Variants in CEP57L1 observed in about 807,000 individuals in gnomAD.
The protein encoded by CEP57L1 is centrosomal protein CEP57L1.
CEP57L1 carries 37 observed loss-of-function variants against 61.0 expected under a neutral mutation model. That is an observed-to-expected ratio of 0.61 (90% CI 0.47 to 0.80). The LOEUF is 0.80. Among genes scored for constraint, CEP57L1 ranks in the 30% least tolerant of loss-of-function variants. The pLI is 0.00. For missense variants in CEP57L1, 422 were observed against 524.7 expected (o/e 0.80, Z 1.91); for synonymous variants, 137 against 162.3 (o/e 0.84, Z 1.19).
At position 109,169,345 on chromosome 6, in the gene CEP57L1, G is replaced by A. The variant is rs946092858; in HGVS notation, c.*6375G>A. The stretch of plus-strand genomic sequence containing the variant: ...TAATGTAGCCCTAAATGTTTTTTAG[G>A]GAAGAAAAAGTTGGCTTTTAATAAG... On this transcript the variant is annotated 3_prime_UTR_variant, in exon 11 of 11. Transcript: ENST00000517392. Among the ~76,000 whole-genome samples, 1 of 152,022 alleles carries A rather than the reference G, an allele frequency of 6.6e-6. No individual in the cohort carries two copies. Among genetic ancestry groups the A allele is most frequent in the African/African-American group, 2.4e-5 (1 of 41,406 alleles).
At chr6:109,148,803 T>G (rs1772261058) in intron 3 of CEP57L1, among the ~76,000 whole-genome samples, 1 of 152,230 alleles carries the variant, frequency 6.6e-6, no homozygotes, top group Non-Finnish European at 1.5e-5. Context: ...TTTTTAATGA[T>G]TGCCATTCTA....
rs1583688907 is a variant in CEP57L1 at position 109,163,063 on chromosome 6, T to G, written c.*93T>G. The G allele has an allele frequency of 1.3e-6, 1 of 786,292 alleles. No individual in the cohort carries two copies. Among genetic ancestry groups the G allele is most frequent in the Non-Finnish European group, 2.0e-6 (1 of 490,286 alleles). The allele number at this position is 786,292 out of a possible 1,614,324, so 48.7% of individuals were successfully genotyped here. A position where few individuals can be genotyped will look rare whatever the true frequency, so the allele number is the denominator to read the frequency against. ...AATTTAATATAACTTTGTGACATTT[T>G]GAATCATGTTTCTAGTTTCTATAAA... On this transcript the variant is annotated 3_prime_UTR_variant, in exon 11 of 11. Transcript: ENST00000517392.
At chr6:109,097,517 C>T (rs1781846415) in intron 1 of CEP57L1, among the ~76,000 whole-genome samples, 1 of 152,214 alleles carries the variant, frequency 6.6e-6, no homozygotes, top group African/African-American at 2.4e-5. Context: ...CATTGGTTCT[C>T]ATATTCCATT....
At position 109,169,121 on chromosome 6, in the gene CEP57L1, G is replaced by C. The variant is rs1774284934; in HGVS notation, c.*6151G>C. ...TGTGCCTGTAATCCCGGGTACTCGG[G>C]AGGCTAAGGCCAGAGGATTGCTTGA... On this transcript the variant is annotated 3_prime_UTR_variant, in exon 11 of 11. Coordinates refer to ENST00000517392, the MANE Select transcript of CEP57L1 (RefSeq NM_001271852.3). 1.3e-5 allele frequency among the ~76,000 whole-genome samples: 2 copies of C among 151,002 alleles called. No homozygotes were observed. The highest frequency in any genetic ancestry group is 4.9e-5 in the African/African-American group (2 of 41,200).
At chr6:109,111,770 A>G (rs1317057585) in intron 1 of CEP57L1, among the ~76,000 whole-genome samples, 3 of 152,150 alleles carry the variant, frequency 2.0e-5, no homozygotes, top group Non-Finnish European at 4.4e-5. Context: ...TCCTGCGTCT[A>G]TTGAGATAAT....
intron 1 of CEP57L1, among the ~76,000 whole-genome samples, chr6:109,119,496 G>C (rs67495179): frequency 0.034 from 5,169 of 152,172 alleles, 166 homozygotes; most frequent in African/African-American, 0.076. Flanking sequence ...TATTAAGTGA[G>C]ATTACAAATA....
At chr6:109,111,587 C>CCTT (rs1171144004) in intron 1 of CEP57L1, among the ~76,000 whole-genome samples, 1 of 152,172 alleles carries the variant, frequency 6.6e-6, no homozygotes, top group Non-Finnish European at 1.5e-5. Flanking sequence ...GAGAGGGCAT[C>CCTT]CTTGTCTTCT....
chr6:109,145,118 T>C (rs1048980859), intron 1 of CEP57L1, 101 bp from the exon 2 acceptor site: 1 of 664,272 alleles, frequency 1.5e-6, no homozygotes, highest in Admixed American at 2.7e-5. Flanking sequence ...AACTCCACAG[T>C]ATATGATTAT....
chr6:109,143,588 T>A (rs1332689564), intron 1 of CEP57L1, among the ~76,000 whole-genome samples: 8 of 152,172 alleles, frequency 5.3e-5, no homozygotes, highest in Non-Finnish European at 1.2e-4. Context: ...CACATTTAAT[T>A]TAAATAAACT....
At chr6:109,130,079 A>G (rs1480095153) in intron 1 of CEP57L1, among the ~76,000 whole-genome samples, 2 of 152,176 alleles carry the variant, frequency 1.3e-5, no homozygotes, top group East Asian at 3.9e-4. Flanking sequence ...CTTTCTGCAT[A>G]TGCTTTTGTT....
intron 3 of CEP57L1, among the ~76,000 whole-genome samples, chr6:109,147,330 A>G (rs1772077335): frequency 6.6e-6 from 1 of 152,154 alleles, no homozygotes; most frequent in South Asian, 2.1e-4. Flanking sequence ...AACACTAGTA[A>G]TTAAACAATG....
At chr6:109,148,224 C>G (rs999536607) in intron 3 of CEP57L1, among the ~76,000 whole-genome samples, 3 of 151,976 alleles carry the variant, frequency 2.0e-5, no homozygotes, top group African/African-American at 7.3e-5. Flanking sequence ...CCCATTAACT[C>G]GTCATTTAGC....
At chr6:109,101,397 A>G (rs1782378891) in intron 1 of CEP57L1, among the ~76,000 whole-genome samples, 1 of 152,212 alleles carries the variant, frequency 6.6e-6, no homozygotes, top group Non-Finnish European at 1.5e-5. Flanking sequence ...TCACTGAAAA[A>G]TAATCCATTG....
intron 1 of CEP57L1, among the ~76,000 whole-genome samples, chr6:109,115,442 G>C (rs1237631028): frequency 6.6e-6 from 1 of 151,884 alleles, no homozygotes; most frequent in Non-Finnish European, 1.5e-5. Flanking sequence ...CTCTGTTTGT[G>C]GATTTATACA....
chr6:109,152,812 A>G (rs900834717), intron 4 of CEP57L1, among the ~76,000 whole-genome samples: 4 of 152,056 alleles, frequency 2.6e-5, no homozygotes, highest in African/African-American at 7.2e-5. Flanking sequence ...GGTTTTATCA[A>G]TAATGGTTTT....
At chr6:109,104,538 C>T (rs762872041) in intron 1 of CEP57L1, among the ~76,000 whole-genome samples, 4 of 152,138 alleles carry the variant, frequency 2.6e-5, no homozygotes, top group Non-Finnish European at 5.9e-5. Flanking sequence ...ACATCCTTGA[C>T]AAAACTTAAT....
intron 1 of CEP57L1, among the ~76,000 whole-genome samples, chr6:109,096,634 A>G (rs1781738107): frequency 6.6e-6 from 1 of 152,202 alleles, no homozygotes; most frequent in East Asian, 1.9e-4. Flanking sequence ...CGTTTCTGTA[A>G]GTGAGCTATT....
intron 7 of CEP57L1, chr6:109,157,449 G>A (rs926805797): frequency 2.6e-5 from 4 of 152,182 alleles, no homozygotes; most frequent in African/African-American, 9.7e-5. Flanking sequence ...CAGTATAATA[G>A]AAGATTAATA....
At chr6:109,128,176 G>A (rs1325640169) in intron 1 of CEP57L1, among the ~76,000 whole-genome samples, 1 of 151,974 alleles carries the variant, frequency 6.6e-6, no homozygotes, top group Non-Finnish European at 1.5e-5. Context: ...CTGCTTGCTG[G>A]GCAGTTCTGT....
Sources: gnomAD v4.1 joint callset for allele counts (sites outside exome capture counted in the v4.1 genomes callset) on GRCh38, gnomAD v4.1.1 for gene constraint, MANE v1.5 for transcripts, NCBI Gene and HGNC (gene_info 2026-07-23, HGNC 2026-07-21) for gene names.